The following RNF144B variants were observed in gnomAD, a reference collection of about 807,000 sequenced individuals.
RNF144B encodes ring finger protein 144B.
In RNF144B, 25 loss-of-function variants were observed where a neutral mutation model predicts 40.2. That is an observed-to-expected ratio of 0.62 (90% CI 0.45 to 0.87). The LOEUF is 0.87. Ranked by LOEUF, RNF144B falls within the 40% of genes least tolerant of loss-of-function variation. RNF144B has a pLI of 0.00. For missense variants in RNF144B, 365 were observed against 373.7 expected, an observed-to-expected ratio of 0.98 and a Z score of 0.19; for synonymous variants, 145 against 136.3, an observed-to-expected ratio of 1.06 and a Z score of -0.44.
In RNF144B at chr6:18,468,686, A is replaced by C. The variant is rs1210096745; in HGVS notation, c.*3619A>C. 6 of 152,236 alleles carry C rather than the reference A, an allele frequency of 3.9e-5. No individual in the cohort carries two copies. Among genetic ancestry groups the C allele is most frequent in the Non-Finnish European group, 5.9e-5 (4 of 68,038 alleles). The allele number at this position is 152,236 out of a possible 1,614,324, so 9.4% of individuals were successfully genotyped here. A position where few individuals can be genotyped will look rare whatever the true frequency, so the allele number is the denominator to read the frequency against. On this transcript the variant is annotated 3_prime_UTR_variant, in exon 8 of 8. Coordinates refer to ENST00000259939, the MANE Select transcript of RNF144B (RefSeq NM_182757.4). ...GCTTTAAGGGCAATTTCAGAAATGC[A>C]TTAGATGAATGACATTTTATAAAGC...
rs764824556 is a variant in RNF144B, at chr6:18,387,491, G to A, written c.-176G>A. The A allele has an allele frequency of 7.7e-7, 1 of 1,296,522 alleles. No individual in the cohort carries two copies. 80.3% of individuals were successfully genotyped at this position (1,296,522 alleles called of 1,614,324 possible). ...CTGTTGCAGTCTTGCAAAGTGTAAA[G>A]CTGTCAGCCGCAGAGCACGGAGGAA... On this transcript the variant is annotated 5_prime_UTR_variant, in exon 1 of 8. Coordinates refer to ENST00000259939, the MANE Select transcript of RNF144B (RefSeq NM_182757.4).
chr6:18,415,669 C>T (rs1227812350), intron 2 of RNF144B, among the ~76,000 whole-genome samples: 1 of 152,102 alleles, frequency 6.6e-6, no homozygotes, highest in African/African-American at 2.4e-5. Context: ...GTCTGTTTAG[C>T]CTGCTGTCCT....
At chr6:18,411,143 C>T (rs1323493698) in intron 2 of RNF144B, among the ~76,000 whole-genome samples, 1 of 151,864 alleles carries the variant, frequency 6.6e-6, no homozygotes, top group Non-Finnish European at 1.5e-5. Context: ...TGCCACCACT[C>T]CCAGGGAATT....
intron 2 of RNF144B, among the ~76,000 whole-genome samples, chr6:18,411,578 A>C (rs545770102): frequency 8.9e-5 from 11 of 123,324 alleles, no homozygotes; most frequent in Admixed American, 2.0e-4. Flanking sequence ...ATCTCGGCTC[A>C]TTGCAATCTC....
intron 6 of RNF144B, among the ~76,000 whole-genome samples, chr6:18,461,586 C>G (rs1448743052): frequency 6.6e-6 from 1 of 152,172 alleles, no homozygotes; most frequent in Non-Finnish European, 1.5e-5. Flanking sequence ...ACATGCTGTT[C>G]TGTCTCTTGT....
chr6:18,390,518 A>G (rs528002625), intron 1 of RNF144B, among the ~76,000 whole-genome samples: 1 of 152,334 alleles, frequency 6.6e-6, no homozygotes, highest in South Asian at 2.1e-4. Flanking sequence ...CAGCAATCTA[A>G]GTGAAATAGA....
At chr6:18,433,643 AGAC>A (rs1758745918) in intron 3 of RNF144B, among the ~76,000 whole-genome samples, 2 of 152,184 alleles carry the variant, frequency 1.3e-5, no homozygotes, top group South Asian at 4.1e-4. Flanking sequence ...TGTGAAACAA[AGAC>A]CAGTGAAAGC....
Position 18,446,038 on chromosome 6 carries a change from A to G in RNF144B, c.331+6294A>G, listed in dbSNP as rs983850514. ...TCATTAGTGTGAGAAGAGAATGAGA[A>G]GAACAGCTCTTCATGTGATAGCAAT... On this transcript the variant is annotated intron_variant, in intron 4 of 7. Coordinates refer to ENST00000259939, the MANE Select transcript of RNF144B (RefSeq NM_182757.4). The surrounding 1 kb of genome is among the most constrained non-coding windows in gnomAD (Gnocchi z 4.7). Among the ~76,000 whole-genome samples, 2 of 152,208 alleles carry G rather than the reference A, an allele frequency of 1.3e-5. No homozygotes were observed. Among genetic ancestry groups the G allele is most frequent in the African/African-American group, 4.8e-5 (2 of 41,450 alleles).
In RNF144B at chr6:18,405,400, C is replaced by G. The variant is rs1056696639; in HGVS notation, c.165+5701C>G. Among the ~76,000 whole-genome samples the G allele has an allele frequency of 6.6e-6, 1 of 152,026 alleles. No homozygotes were observed. The highest frequency in any genetic ancestry group is 1.5e-5 in the Non-Finnish European group (1 of 68,010). On this transcript the variant is annotated intron_variant, in intron 2 of 7. Transcript: ENST00000259939. The surrounding 1 kb of genome is among the most constrained non-coding windows in gnomAD (Gnocchi z 4.5). ...CTATGTAGGTCAGGCTGGTCTTGAA[C>G]TCCTGACCTCGTGATCCACCTGCCT...
chr6:18,403,413 C>T (rs1004501798), intron 2 of RNF144B, among the ~76,000 whole-genome samples: 3 of 152,140 alleles, frequency 2.0e-5, no homozygotes, highest in Non-Finnish European at 4.4e-5. Flanking sequence ...TGGGCATGGC[C>T]TATTTACCTT....
chr6:18,427,330 A>T (rs1179703773), intron 2 of RNF144B, among the ~76,000 whole-genome samples: 3 of 152,094 alleles, frequency 2.0e-5, no homozygotes, highest in African/African-American at 7.2e-5. Flanking sequence ...ATGGTGGCTG[A>T]AATGTGTGAG....
intron 1 of RNF144B, among the ~76,000 whole-genome samples, chr6:18,388,806 A>AT (rs11455735): frequency 0.21 from 31,084 of 149,842 alleles, 3,276 homozygotes; most frequent in South Asian, 0.33. Context: ...TTTGACTGGC[A>AT]TTTTTTTTTT....
At position 18,399,610 on chromosome 6, in the gene RNF144B, C is replaced by T. The variant is rs145179148; in HGVS notation, c.76C>T (p.Pro26Ser). Residue 26 changes from proline to serine, a missense_variant, in exon 2 of 8, where the codon CCC (proline) becomes TCC (serine). Coordinates refer to ENST00000259939, the MANE Select transcript of RNF144B (RefSeq NM_182757.4). Reference protein sequence around the residue: ...NPTPGDLAPAPLITCKLCLCE... With the variant: ...NPTPGDLAPASLITCKLCLCE... ...CACTCCTGGAGACCTGGCTCCGGCCCCCCTCATCACTTGCAAACTCTGCCT... is the reference window on the plus strand; with the variant it reads ...CACTCCTGGAGACCTGGCTCCGGCCTCCCTCATCACTTGCAAACTCTGCCT... The T allele has an allele frequency of 6.3e-5, 102 of 1,614,166 alleles. 1 individual carries two copies. In the East Asian group the frequency reaches 2.2e-3, roughly 35 times the overall value.
intron 2 of RNF144B, among the ~76,000 whole-genome samples, chr6:18,426,353 AAAAGGTTT>A (rs1358793823): frequency 9.2e-5 from 14 of 152,286 alleles, no homozygotes; most frequent in Admixed American, 9.2e-4. Flanking sequence ...ATGCATGTAG[AAAAGGTTT>A]ACCGATTATG....
At chr6:18,440,891 C>CGA (rs544960093) in intron 4 of RNF144B, among the ~76,000 whole-genome samples, 1 of 142,576 alleles carries the variant, frequency 7.0e-6, no homozygotes, top group Non-Finnish European at 1.5e-5. Context: ...CTAAATATAC[C>CGA]AAAAAAAAAA....
rs140458002 is a variant in RNF144B, at chr6:18,457,307, G to A, written c.484G>A (p.Ala162Thr). ...CTCGTGTTGCAAGGATGCTTGGCAT[G>A]CAGAGGTCTCCTGTAGAGACAGTCA... Reference protein sequence around the residue: ...FCSCCKDAWHAEVSCRDSQPI... With the variant: ...FCSCCKDAWHTEVSCRDSQPI... Residue 162 changes from alanine (A) to threonine (T), a missense_variant, in exon 5 of 8, where the codon GCA becomes ACA. By Grantham distance (58) the Ala-to-Thr change is moderately conservative. Transcript: ENST00000259939. The surrounding 1 kb of genome is among the most constrained non-coding windows in gnomAD (Gnocchi z 5.1). 47 of 1,614,188 alleles carry A rather than the reference G, an allele frequency of 2.9e-5. No homozygotes were observed. In the African/African-American group the frequency reaches 5.2e-4, roughly 18 times the overall value.
Position 18,448,280 on chromosome 6 carries a change from A to G in RNF144B, c.331+8536A>G, listed in dbSNP as rs1004413190. 2.0e-5 allele frequency among the ~76,000 whole-genome samples: 3 copies of G among 151,998 alleles called. No homozygotes were observed. The highest frequency in any genetic ancestry group is 6.6e-5 in the Admixed American group (1 of 15,240). ...TGAGGGGAACGGATTTCAGTGCCAG[A>G]TGGAGGGATTGGATTTACTTGGGGG... On this transcript the variant is annotated intron_variant, in intron 4 of 7. Transcript: ENST00000259939. This position sits in a 1 kb window ranked among gnomAD's most constrained non-coding sequence, Gnocchi z 4.0.
chr6:18,412,771 A>ACACAG lies in RNF144B; in HGVS notation c.165+13073_165+13077dup, dbSNP rs1268651589. On this transcript the variant is annotated intron_variant, in intron 2 of 7. Transcript: ENST00000259939. This position sits in a 1 kb window ranked among gnomAD's most constrained non-coding sequence, Gnocchi z 4.2. ...AGTGTACCCCTTGGAATCAGGTGAG[A>ACACAG]CACAGTGCCTCATTTCCATGGAAAT... Among the ~76,000 whole-genome samples the ACACAG allele has an allele frequency of 1.3e-5, 2 of 152,170 alleles. No individual in the cohort carries two copies. The highest frequency in any genetic ancestry group is 4.8e-5 in the African/African-American group (2 of 41,438).
chr6:18,462,177 A>G (rs967946385), intron 6 of RNF144B, among the ~76,000 whole-genome samples: 1 of 152,188 alleles, frequency 6.6e-6, no homozygotes, highest in African/African-American at 2.4e-5. Flanking sequence ...CCAAGCTTCA[A>G]AAAAGCCTAA....
Sources: gnomAD v4.1 joint callset for allele counts (sites outside exome capture counted in the v4.1 genomes callset) on GRCh38, gnomAD v4.1.1 for gene constraint, Gnocchi (gnomAD v3.1) non-coding constraint, MANE v1.5 for transcripts, NCBI Gene and HGNC (gene_info 2026-07-23, HGNC 2026-07-21) for gene names.